GRK2: variants seen among roughly 807,000 people sequenced by gnomAD.
GRK2 encodes G protein-coupled receptor kinase 2.
GRK2 carries 23 observed loss-of-function variants against 97.8 expected under a neutral mutation model. The observed-to-expected ratio is 0.24, with a 90% CI of 0.17 to 0.33. GRK2 has a LOEUF of 0.33. Ranked by LOEUF, GRK2 falls within the 10% of genes least tolerant of loss-of-function variation. GRK2 has a pLI of 1.00. For missense variants in GRK2, 633 were observed against 956.9 expected (o/e 0.66, Z 4.47); for synonymous variants, 425 against 381.7 (o/e 1.11, Z -1.32).
In GRK2 at chr11:67,281,212, T is replaced by C; in HGVS notation, c.647+28T>C. ...GAGCACCCTGCTCGGCGCGGTGGGA[T>C]ACCTCGGGGAGCCGGGCTCCTGGGG... On this transcript the variant is annotated intron_variant, in intron 8 of 20. Transcript: ENST00000308595. This position sits in a 1 kb window ranked among gnomAD's most constrained non-coding sequence, Gnocchi z 5.7. 4.4e-6 allele frequency: 7 copies of C among 1,589,806 alleles called. No homozygotes were observed. Among genetic ancestry groups the C allele is most frequent in the Non-Finnish European group, 6.0e-6 (7 of 1,162,278 alleles).
chr11:67,285,041 C>T, intron 19 of GRK2, 34 bp from the exon 20 acceptor site: 3 of 1,612,548 alleles, frequency 1.9e-6, no homozygotes, highest in South Asian at 1.1e-5. Context: ...GCCGGCCCGG[C>T]TCTTACCTGC....
At position 67,282,591 on chromosome 11, in the gene GRK2, T is replaced by C. The variant is rs756227093; in HGVS notation, c.1160+49T>C. On this transcript the variant is annotated intron_variant, in intron 13 of 20. Coordinates refer to ENST00000308595, the MANE Select transcript of GRK2 (RefSeq NM_001619.5). This position sits in a 1 kb window ranked among gnomAD's most constrained non-coding sequence, Gnocchi z 6.9. Reference sequence around the variant, plus strand: ...CAGGTGGGTTGGGGCTAAGAGAAGTTCCTCCCCAATCCAGGTGGGATGCCA... The same window carrying C: ...CAGGTGGGTTGGGGCTAAGAGAAGTCCCTCCCCAATCCAGGTGGGATGCCA... The C allele has an allele frequency of 1.9e-6, 3 of 1,587,710 alleles. No homozygotes were observed. The South Asian group carries it at 3.4e-5, about 18-fold the overall frequency.
chr11:67,276,132 C>A lies in GRK2; in HGVS notation c.114-1140C>A, dbSNP rs1393542190. Reference sequence around the variant, plus strand: ...CAGCTGCAGTCATTTCACGGGAGGCCTGCTGGTGGCCCCATAGACCTGCAG... The same window carrying A: ...CAGCTGCAGTCATTTCACGGGAGGCATGCTGGTGGCCCCATAGACCTGCAG... On this transcript the variant is annotated intron_variant, in intron 1 of 20. Coordinates refer to ENST00000308595, the MANE Select transcript of GRK2 (RefSeq NM_001619.5). This position sits in a 1 kb window ranked among gnomAD's most constrained non-coding sequence, Gnocchi z 4.2. Among the ~76,000 whole-genome samples, 1 of 152,234 alleles carries A rather than the reference C, an allele frequency of 6.6e-6. No homozygotes were observed. The highest frequency in any genetic ancestry group is 2.4e-5 in the African/African-American group (1 of 41,456).
chr11:67,274,507 T>TTTTTTTTTTTTTTTTC, intron 1 of GRK2, among the ~76,000 whole-genome samples: 1 of 108,728 alleles, frequency 9.2e-6, no homozygotes, highest in Non-Finnish European at 2.0e-5. Flanking sequence ...TTTTTTTTTT[T>TTTTTTTTTTTTTTTTC]TTTTTTTTTT....
At chr11:67,272,217 G>A (rs61889551) in intron 1 of GRK2, among the ~76,000 whole-genome samples, 4,707 of 152,250 alleles carry the variant, frequency 0.031, 109 homozygotes, top group African/African-American at 0.067. Context: ...CCAGAGGCTG[G>A]GCACAAGTCA....
chr11:67,280,512 G>C (rs1860125596), intron 6 of GRK2: 2 of 599,490 alleles, frequency 3.3e-6, no homozygotes, highest in Non-Finnish European at 3.0e-6. Flanking sequence ...CCACGGCCAG[G>C]TGGCCGAGGG....
At chr11:67,284,664 C>T in intron 18 of GRK2, 183 bp from the exon 19 acceptor site, 1 of 846,650 alleles carries the variant, frequency 1.2e-6, no homozygotes, top group African/African-American at 1.7e-5. Context: ...TGGCACGCGC[C>T]TGTACTCCCA....
Position 67,281,309 on chromosome 11 carries a change from C to T in GRK2, c.647+125C>T. On this transcript the variant is annotated intron_variant, in intron 8 of 20. Coordinates refer to ENST00000308595, the MANE Select transcript of GRK2 (RefSeq NM_001619.5). The surrounding 1 kb of genome is among the most constrained non-coding windows in gnomAD (Gnocchi z 5.7). Reference sequence around the variant, plus strand: ...CACTCCTGTCTTGCCGTGCTGTTACCCCCGCAGGCTCCTCTGGCCCCAGCC... The same window carrying T: ...CACTCCTGTCTTGCCGTGCTGTTACTCCCGCAGGCTCCTCTGGCCCCAGCC... The T allele has an allele frequency of 9.3e-7, 1 of 1,075,108 alleles. No homozygotes were observed. The highest frequency in any genetic ancestry group is 1.4e-6 in the Non-Finnish European group (1 of 726,038). The allele number at this position is 1,075,108 out of a possible 1,614,324, so 66.6% of individuals were successfully genotyped here.
In GRK2 at chr11:67,279,471, G is replaced by A. The variant is rs1485176986; in HGVS notation, c.318G>A (p.Arg106=). ...AGGAGGAGCGTGTGGCCCGCAGCCG[G>A]GAGATCTTCGACTCATACATCATGA... ...ETEEERVARS[R]EIFDSYIMKE... Residue 106 remains arginine (R), a synonymous_variant, in exon 4 of 21, where the codon CGG becomes CGA. Transcript: ENST00000308595. 1.2e-6 allele frequency: 2 copies of A among 1,613,262 alleles called. No individual in the cohort carries two copies. The highest frequency in any genetic ancestry group is 1.7e-6 in the Non-Finnish European group (2 of 1,180,022).
chr11:67,285,423 C>A lies in GRK2; in HGVS notation c.2043C>A (p.Val681=). The part of the protein sequence containing the change: ...PVVELSKVPL[V]QRGSANGL The stretch of plus-strand genomic sequence containing the variant: ...TGGAGCTGAGCAAGGTGCCGCTGGT[C>A]CAGCGCGGCAGTGCCAACGGCCTCT... Residue 681 remains valine, a synonymous_variant, in exon 21 of 21, where the codon GTC becomes GTA. Coordinates refer to ENST00000308595, the MANE Select transcript of GRK2 (RefSeq NM_001619.5). The A allele has an allele frequency of 6.3e-7, 1 of 1,590,650 alleles. No homozygotes were observed. The highest frequency in any genetic ancestry group is 1.1e-5 in the South Asian group (1 of 89,314).
chr11:67,277,205 C>T (rs758320287), intron 1 of GRK2, 67 bp from the exon 2 acceptor site: 90 of 1,528,190 alleles, frequency 5.9e-5, no homozygotes, highest in Non-Finnish European at 7.5e-5. Context: ...CCTCAGCTCG[C>T]GTTTCTGGGC....
chr11:67,279,353 G>A, intron 3 of GRK2, 65 bp from the exon 4 acceptor site: 1 of 1,608,480 alleles, frequency 6.2e-7, no homozygotes, highest in East Asian at 2.2e-5. Flanking sequence ...CCCACAAGCT[G>A]CCTGGTGTGG....
At chr11:67,267,580 C>T (rs950755129) in intron 1 of GRK2, among the ~76,000 whole-genome samples, 3 of 152,232 alleles carry the variant, frequency 2.0e-5, no homozygotes, top group African/African-American at 7.2e-5. Flanking sequence ...GTGCTGTTGA[C>T]CAGGGGCCCT....
intron 2 of GRK2, among the ~76,000 whole-genome samples, chr11:67,277,901 A>G (rs1159795895): frequency 6.6e-6 from 1 of 152,152 alleles, no homozygotes; most frequent in African/African-American, 2.4e-5. Context: ...CCAGCCCCAC[A>G]TGGCTCTGAT....
At position 67,286,275 on chromosome 11, in the gene GRK2, CCTAT is replaced by C; in HGVS notation, c.*827_*830del. On this transcript the variant is annotated 3_prime_UTR_variant, in exon 21 of 21. Coordinates refer to ENST00000308595, the MANE Select transcript of GRK2 (RefSeq NM_001619.5). ...AGCACAGCAAGGAGGCTGGCTGGGG[CCTAT>C]CAGTGTGCCCCCCATCCTGGCCCAT... 1.6e-6 allele frequency: 1 copy of C among 626,104 alleles called. No individual in the cohort carries two copies. The highest frequency in any genetic ancestry group is 2.9e-6 in the Non-Finnish European group (1 of 349,892). 38.8% of individuals were successfully genotyped at this position (626,104 alleles called of 1,614,324 possible).
At position 67,277,205 on chromosome 11, in the gene GRK2, C is replaced by A. The variant is rs758320287; in HGVS notation, c.114-67C>A. ...ACACCACCACAGTGCCCTCAGCTCG[C>A]GTTTCTGGGCCTGCAGCCCCCACGG... On this transcript the variant is annotated intron_variant, in intron 1 of 20. Transcript: ENST00000308595. The A allele has an allele frequency of 9.8e-6, 15 of 1,528,192 alleles. No individual in the cohort carries two copies. The African/African-American group carries it at 1.4e-4, about 14-fold the overall frequency. 94.7% of individuals were successfully genotyped at this position (1,528,192 alleles called of 1,614,324 possible).
At chr11:67,280,265 GC>G in intron 6 of GRK2, 1 of 389,212 alleles carries the variant, frequency 2.6e-6, no homozygotes, top group Non-Finnish European at 4.8e-6. Flanking sequence ...AGAGCGCATG[GC>G]CCCCGTGACC....
At position 67,283,243 on chromosome 11, in the gene GRK2, G is replaced by A. The variant is rs752259501; in HGVS notation, c.1328+15G>A. 2.1e-5 allele frequency: 34 copies of A among 1,606,982 alleles called. No individual in the cohort carries two copies. In the African/African-American group the frequency reaches 2.9e-4, roughly 14 times the overall value. ...CTGGGCCGAGGGTGAGTACCCTGGC[G>A]CCTTGGGCATGCTGCTGGCTGTGCC... is the stretch of plus-strand genomic sequence containing the variant. On this transcript the variant is annotated intron_variant, in intron 15 of 20. Transcript: ENST00000308595.
intron 2 of GRK2, 36 bp from the exon 3 acceptor site, chr11:67,279,164 A>G (rs370802634): frequency 1.7e-4 from 262 of 1,570,116 alleles, no homozygotes; most frequent in Non-Finnish European, 2.2e-4. Flanking sequence ...CCTCTGAGAG[A>G]GGCGTGGCTC....
Sources: gnomAD v4.1 joint callset for allele counts (sites outside exome capture counted in the v4.1 genomes callset) on GRCh38, gnomAD v4.1.1 for gene constraint, Gnocchi (gnomAD v3.1) non-coding constraint, MANE v1.5 for transcripts, NCBI Gene and HGNC (gene_info 2026-07-23, HGNC 2026-07-21) for gene names.